The following NUP54 variants were observed in gnomAD, a reference collection of about 807,000 sequenced individuals.
NUP54 encodes nucleoporin p54.
NUP54 carries 27 observed loss-of-function variants against 66.4 expected under a neutral mutation model. The ratio of observed to expected loss-of-function variants is 0.41; its 90% confidence interval spans 0.30 to 0.56. NUP54 has a LOEUF of 0.56. Among genes scored for constraint, NUP54 ranks in the 20% least tolerant of loss-of-function variants. NUP54 has a pLI of 0.34. For missense variants in NUP54, 486 were observed against 596.3 expected (o/e 0.82, Z 1.93); for synonymous variants, 206 against 210.7 (o/e 0.98, Z 0.19).
chr4:76,141,974 T>C (rs1228072942), intron 3 of NUP54, among the ~76,000 whole-genome samples: 1 of 152,176 alleles, frequency 6.6e-6, no homozygotes, highest in Non-Finnish European at 1.5e-5. Context: ...TCTGCGTGGA[T>C]ACCCTAGAAT....
At chr4:76,123,894 G>GT (rs1730347249) in intron 9 of NUP54, among the ~76,000 whole-genome samples, 1 of 152,022 alleles carries the variant, frequency 6.6e-6, no homozygotes, top group African/African-American at 2.4e-5. Flanking sequence ...ATTTTACTCT[G>GT]TTTTTCCCTT....
At position 76,124,672 on chromosome 4, in the gene NUP54, C is replaced by A. The variant is rs766753920; in HGVS notation, c.1141G>T (p.Asp381Tyr). The change falls in exon 9 of 12, where the codon GAT (aspartate) becomes TAT (tyrosine). Residue 381 changes from aspartate to tyrosine, a missense_variant. Asp to Tyr is a radical substitution (Grantham distance 160). Coordinates refer to ENST00000264883, the MANE Select transcript of NUP54 (RefSeq NM_017426.4). ...KIAQYKRKLM[D>Y]LSHRTLQVLI... ...ACCTGTAAAGTTCTATGGGAAAGAT[C>A]CATGAGTTTCCTCTTGTATTGTGCA... 1 of 1,592,750 alleles carries A rather than the reference C, an allele frequency of 6.3e-7. No homozygotes were observed. The highest frequency in any genetic ancestry group is 1.7e-5 in the Admixed American group (1 of 59,354).
At chr4:76,146,054 T>C in intron 1 of NUP54, 1 of 433,530 alleles carries the variant, frequency 2.3e-6, no homozygotes, top group Admixed American at 2.7e-5. Context: ...ATAATCTGAA[T>C]TGGCTACGCA....
At chr4:76,147,910 T>A (rs1731578385) in intron 1 of NUP54, 1 of 278,462 alleles carries the variant, frequency 3.6e-6, no homozygotes, top group East Asian at 7.9e-5. Flanking sequence ...CCCAGCCCTA[T>A]CCTCGCCGAG....
intron 8 of NUP54, among the ~76,000 whole-genome samples, chr4:76,129,522 A>C (rs1293054393): frequency 6.6e-6 from 1 of 152,154 alleles, no homozygotes; most frequent in African/African-American, 2.4e-5. Flanking sequence ...AACTTCACCC[A>C]AGGACTGCAG....
chr4:76,137,679 A>G (rs2109897365), intron 3 of NUP54, among the ~76,000 whole-genome samples: 1 of 152,240 alleles, frequency 6.6e-6, no homozygotes, highest in Admixed American at 6.5e-5. Flanking sequence ...AATGGAAAGA[A>G]GGGCCAAGTT....
chr4:76,131,256 G>A lies in NUP54; in HGVS notation c.936C>T (p.Ala312=), dbSNP rs1383101220. ...TTTCAGAATCAGGGTTATCTACCTT[G>A]GCCTGTTCCCAGATAATAGGATCAA... ...AGVDPIIWEQ[A]KVDNPDSEKL... Residue 312 remains alanine, a synonymous_variant, in exon 7 of 12, where the codon GCC becomes GCT. Transcript: ENST00000264883. 1 of 1,595,006 alleles carries A rather than the reference G, an allele frequency of 6.3e-7. No homozygotes were observed.
intron 3 of NUP54, among the ~76,000 whole-genome samples, chr4:76,138,728 G>C (rs970838396): frequency 6.6e-6 from 1 of 152,190 alleles, no homozygotes; most frequent in Non-Finnish European, 1.5e-5. Context: ...GAAGGAGTCA[G>C]CTAAGCCATG....
At chr4:76,135,964 C>T (rs1731021069) in intron 4 of NUP54, among the ~76,000 whole-genome samples, 1 of 152,168 alleles carries the variant, frequency 6.6e-6, no homozygotes, top group Non-Finnish European at 1.5e-5. Context: ...TTATAAATCA[C>T]ATTCCAGTCA....
At chr4:76,135,520 C>A (rs977296411) in intron 4 of NUP54, among the ~76,000 whole-genome samples, 4 of 152,200 alleles carry the variant, frequency 2.6e-5, no homozygotes, top group Non-Finnish European at 4.4e-5. Flanking sequence ...GACAGGCTGA[C>A]CACTTTATTC....
At chr4:76,123,350 C>G (rs139909989) in intron 9 of NUP54, among the ~76,000 whole-genome samples, 1,715 of 152,208 alleles carry the variant, frequency 0.011, 12 homozygotes, top group Non-Finnish European at 0.02. Context: ...GTCCCTAAGG[C>G]CTTTTTCATG....
At chr4:76,129,972 T>TTG (rs1730726850) in intron 8 of NUP54, among the ~76,000 whole-genome samples, 1 of 25,154 alleles carries the variant, frequency 4.0e-5, no homozygotes, top group African/African-American at 2.7e-4. Flanking sequence ...GAAAGTTTTT[T>TTG]TTTTTTTTTT....
At chr4:76,126,140 A>G (rs1030515465) in intron 8 of NUP54, among the ~76,000 whole-genome samples, 1 of 152,174 alleles carries the variant, frequency 6.6e-6, no homozygotes, top group African/African-American at 2.4e-5. Flanking sequence ...AGGAAAAGGA[A>G]TGATATTAAT....
At chr4:76,146,064 A>G (rs1337589181) in intron 1 of NUP54, 3 of 441,290 alleles carry the variant, frequency 6.8e-6, no homozygotes, top group South Asian at 3.3e-5. Flanking sequence ...TTGGCTACGC[A>G]ATAGAAACAC....
At chr4:76,116,487 C>A (rs1271612871) in intron 11 of NUP54, among the ~76,000 whole-genome samples, 1 of 152,088 alleles carries the variant, frequency 6.6e-6, no homozygotes, top group Non-Finnish European at 1.5e-5. Context: ...TTCATTAAAC[C>A]AATCTGCATT....
Position 76,115,325 on chromosome 4 carries a change from G to C in NUP54, c.*41C>G, listed in dbSNP as rs1729901158. On this transcript the variant is annotated 3_prime_UTR_variant, in exon 12 of 12. Coordinates refer to ENST00000264883, the MANE Select transcript of NUP54 (RefSeq NM_017426.4). ...TCTTAAGGAAGGTCTGATGCAGTAAGAAGATGCATTTCACAAACCTTTACA... is the reference window on the plus strand; with the variant it reads ...TCTTAAGGAAGGTCTGATGCAGTAACAAGATGCATTTCACAAACCTTTACA... 1 of 1,521,528 alleles carries C rather than the reference G, an allele frequency of 6.6e-7. No individual in the cohort carries two copies. The highest frequency in any genetic ancestry group is 1.4e-5 in the African/African-American group (1 of 70,904). The allele number at this position is 1,521,528 out of a possible 1,614,324, so 94.3% of individuals were successfully genotyped here. A position where few individuals can be genotyped will look rare whatever the true frequency, so the allele number is the denominator to read the frequency against.
rs1578658968 is a variant in NUP54, at chr4:76,115,472, C to G, written c.1418G>C (p.Gly473Ala). The change falls in exon 12 of 12, where the codon GGC becomes GCC. Residue 473 changes from glycine to alanine, a missense_variant. By Grantham distance (60) the Gly-to-Ala change is moderately conservative. Around this residue, in one of 4 missense-constraint regions of NUP54, gnomAD observed 83 missense variants for 128.6 expected, o/e 0.65. Transcript: ENST00000264883. The part of the protein sequence containing the change: ...IKQHLKQQQE[G>A]LSHLISIIKD... Reference sequence around the variant, plus strand: ...AATGATGCTAATCAAATGGCTAAGGCCTTCCTGTTGTTGTTTCAAATGCTA... The same window carrying G: ...AATGATGCTAATCAAATGGCTAAGGGCTTCCTGTTGTTGTTTCAAATGCTA... 6.2e-7 allele frequency: 1 copy of G among 1,606,774 alleles called. No individual in the cohort carries two copies. Among genetic ancestry groups the G allele is most frequent in the Non-Finnish European group, 8.5e-7 (1 of 1,177,464 alleles).
rs1730837622 is a variant in NUP54 at position 76,132,338 on chromosome 4, A to G, written c.907+185T>C. The G allele has an allele frequency of 9.9e-6, 4 of 403,012 alleles. No individual in the cohort carries two copies. In the South Asian group the frequency reaches 3.7e-4, roughly 37 times the overall value. 25.0% of individuals were successfully genotyped at this position (403,012 alleles called of 1,614,324 possible). On this transcript the variant is annotated intron_variant, in intron 6 of 11. Transcript: ENST00000264883. ...AAAATTTCTATTTTAACATATACAT[A>G]TTAGCTATATAATAAAAAACTAAAT...
chr4:76,124,570 A>G, intron 9 of NUP54, 79 bp downstream of exon 9: 1 of 492,158 alleles, frequency 2.0e-6, no homozygotes. Flanking sequence ...TTTTTTTTCT[A>G]TTTTAAAAAT....
Sources: allele counts gnomAD v4.1 joint callset (sites outside exome capture counted in the v4.1 genomes callset), GRCh38; gene constraint gnomAD v4.1.1; regional missense constraint gnomAD v4.1.1; transcripts MANE v1.5; gene names NCBI Gene and HGNC (gene_info 2026-07-23, HGNC 2026-07-21).